The following SENP1 variants were observed in gnomAD, a reference collection of about 807,000 sequenced individuals.
The protein encoded by SENP1 is SUMO specific peptidase 1.
In SENP1, 21 loss-of-function variants were observed where a neutral mutation model predicts 93.0. The ratio of observed to expected loss-of-function variants is 0.23; its 90% CI spans 0.16 to 0.33. The LOEUF is 0.33. Among genes scored for constraint, SENP1 ranks in the 10% least tolerant of loss-of-function variants. The probability of loss-of-function intolerance (pLI) is 1.00; values close to 1 mark genes in which losing one functional copy is unlikely to be tolerated. For synonymous variants in SENP1, 256 were observed against 259.6 expected (o/e 0.99, Z 0.13); for missense variants, 591 against 758.7 (o/e 0.78, Z 2.60).
chr12:48,056,103 AT>A (rs1418100064), intron 13 of SENP1, among the ~76,000 whole-genome samples: 2 of 121,050 alleles, frequency 1.7e-5, no homozygotes, highest in South Asian at 4.9e-4. Flanking sequence ...AGTATATATT[AT>A]TTAATATATA....
intron 1 of SENP1, among the ~76,000 whole-genome samples, 184 bp from the exon 2 acceptor site, chr12:48,101,700 A>T (rs763278285): frequency 1.3e-5 from 2 of 152,240 alleles, no homozygotes; most frequent in African/African-American, 2.4e-5. Context: ...GTACTTCCAA[A>T]CATTTCTGCA....
At chr12:48,060,679 G>A (rs1942899738) in intron 13 of SENP1, among the ~76,000 whole-genome samples, 1 of 152,034 alleles carries the variant, frequency 6.6e-6, no homozygotes, top group South Asian at 2.1e-4. Context: ...TGACAACCTG[G>A]GCTCAAGCAA....
chr12:48,104,116 C>T (rs1946176192), intron 1 of SENP1, among the ~76,000 whole-genome samples: 2 of 151,764 alleles, frequency 1.3e-5, no homozygotes, highest in Admixed American at 6.6e-5. Context: ...GAGGCTGAGG[C>T]AGGAGAATCG....
intron 4 of SENP1, among the ~76,000 whole-genome samples, chr12:48,092,081 GCTTGATC>G (rs1378078111): frequency 1.3e-5 from 2 of 152,134 alleles, no homozygotes; most frequent in African/African-American, 4.8e-5. Context: ...TTTTTAAAAA[GCTTGATC>G]TAGAGAAGTC....
chr12:48,070,594 C>T lies in SENP1; in HGVS notation c.995+1073G>A, dbSNP rs192248098. 1.2e-4 allele frequency among the ~76,000 whole-genome samples: 18 copies of T among 152,274 alleles called. No homozygotes were observed. In the East Asian group the frequency reaches 2.9e-3, roughly 24 times the overall value. ...ATACTAGTACCTGGCACACAGTAGG[C>T]TCTCAGTAAATATTTGTTAAAAGTG... On this transcript the variant is annotated intron_variant, in intron 9 of 17. Coordinates refer to ENST00000549518, the MANE Select transcript of SENP1 (RefSeq NM_001267594.2).
At chr12:48,068,203 T>C (rs1277172389) in intron 9 of SENP1, among the ~76,000 whole-genome samples, 2 of 152,068 alleles carry the variant, frequency 1.3e-5, no homozygotes, top group Non-Finnish European at 2.9e-5. Flanking sequence ...AAACAAGTAA[T>C]GTAGGGACAA....
At chr12:48,081,301 T>C (rs1341373821) in intron 6 of SENP1, 1 of 152,094 alleles carries the variant, frequency 6.6e-6, no homozygotes, top group East Asian at 1.9e-4. Context: ...ATAAAAGGTA[T>C]AATGAAAAAT....
intron 15 of SENP1, 150 bp from the exon 16 acceptor site, chr12:48,047,212 G>T: frequency 1.8e-6 from 1 of 559,482 alleles, no homozygotes. Flanking sequence ...GGGAATCCCT[G>T]GATTGTTAAG....
At chr12:48,084,952 C>T (rs1486189115) in intron 5 of SENP1, 1 of 552,056 alleles carries the variant, frequency 1.8e-6, no homozygotes. Flanking sequence ...TAAAGAAAAT[C>T]AAACAGTGCA....
rs1237593542 is a variant in SENP1 at position 48,045,306 on chromosome 12, C to T, written c.*16G>A. On this transcript the variant is annotated 3_prime_UTR_variant, in exon 18 of 18. Coordinates refer to ENST00000549518, the MANE Select transcript of SENP1 (RefSeq NM_001267594.2). ...TGGTCCCCCACATGGTCAAGGTCTG[C>T]TAAGTGAGACAGTCTTCACAAGAGT... is the stretch of plus-strand genomic sequence containing the variant. 4 of 1,611,086 alleles carry T rather than the reference C, an allele frequency of 2.5e-6. No homozygotes were observed. The African/African-American group carries it at 5.3e-5, about 22-fold the overall frequency.
At chr12:48,090,431 G>A (rs1945142674) in intron 4 of SENP1, among the ~76,000 whole-genome samples, 1 of 152,168 alleles carries the variant, frequency 6.6e-6, no homozygotes. Context: ...AACGGCATGT[G>A]ACAGAGACTG....
At chr12:48,086,334 T>G (rs891312429) in intron 5 of SENP1, among the ~76,000 whole-genome samples, 1 of 152,134 alleles carries the variant, frequency 6.6e-6, no homozygotes, top group Non-Finnish European at 1.5e-5. Flanking sequence ...AGTGATAAAA[T>G]TAGAAAAATA....
chr12:48,056,152 TAATATATA>T (rs1489993424), intron 13 of SENP1, among the ~76,000 whole-genome samples: 2 of 40,348 alleles, frequency 5.0e-5, no homozygotes, highest in African/African-American at 2.1e-4. Context: ...ATATATTATT[TAATATATA>T]GTATATATTA....
Position 48,106,051 on chromosome 12 carries a change from G to T in SENP1, c.-68C>A, listed in dbSNP as rs1460801516. On this transcript the variant is annotated 5_prime_UTR_variant, in exon 1 of 18. Coordinates refer to ENST00000549518, the MANE Select transcript of SENP1 (RefSeq NM_001267594.2). ...ACCGAACCGGAACCGGCTGCCATGC[G>T]AAGGGGTTTCCGGCCGGGCGCGGAA... 1 of 702,262 alleles carries T rather than the reference G, an allele frequency of 1.4e-6. No individual in the cohort carries two copies. The highest frequency in any genetic ancestry group is 1.5e-5 in the South Asian group (1 of 67,566). The allele number at this position is 702,262 out of a possible 1,614,324, so 43.5% of individuals were successfully genotyped here. A position where few individuals can be genotyped will look rare whatever the true frequency, so the allele number is the denominator to read the frequency against.
chr12:48,083,182 G>A (rs983026717), intron 6 of SENP1, among the ~76,000 whole-genome samples: 2 of 152,182 alleles, frequency 1.3e-5, no homozygotes, highest in Non-Finnish European at 2.9e-5. Flanking sequence ...TGGGATCATA[G>A]GCATGAGCCA....
At chr12:48,081,649 T>C (rs1944501166) in intron 6 of SENP1, among the ~76,000 whole-genome samples, 1 of 148,132 alleles carries the variant, frequency 6.8e-6, no homozygotes, top group Non-Finnish European at 1.5e-5. Flanking sequence ...CAGCTGACCG[T>C]AGCCTTGAAA....
chr12:48,047,406 G>A (rs1941451314), intron 15 of SENP1, among the ~76,000 whole-genome samples: 1 of 152,114 alleles, frequency 6.6e-6, no homozygotes. Flanking sequence ...CAATCTAATG[G>A]AAGAAAAGTG....
At chr12:48,097,915 G>A in intron 3 of SENP1, 79 bp downstream of exon 3, 1 of 1,270,208 alleles carries the variant, frequency 7.9e-7, no homozygotes, top group Non-Finnish European at 1.1e-6. Context: ...TTTTGAGTGT[G>A]GCATTTAAAC....
intron 9 of SENP1, among the ~76,000 whole-genome samples, chr12:48,069,465 ATTC>A (rs1943532604): frequency 6.6e-6 from 1 of 152,160 alleles, no homozygotes; most frequent in Non-Finnish European, 1.5e-5. Flanking sequence ...CTGCCATCTC[ATTC>A]TTTAGTCATC....
Sources: allele counts gnomAD v4.1 joint callset (sites outside exome capture counted in the v4.1 genomes callset), GRCh38; gene constraint gnomAD v4.1.1; transcripts MANE v1.5; gene names NCBI Gene and HGNC (gene_info 2026-07-23, HGNC 2026-07-21).